Variants in MAMDC2 observed in about 807,000 individuals in gnomAD.
MAMDC2 encodes the protein MAM domain-containing protein 2.
Under a neutral mutation model 89.8 loss-of-function variants are expected in MAMDC2, and 57 were observed. That is an observed-to-expected ratio of 0.63 (90% confidence interval 0.51 to 0.79). The LOEUF is 0.79. MAMDC2 is among the 30% of genes least tolerant of loss of function. The pLI, the probability that MAMDC2 is intolerant of heterozygous loss-of-function variation, is 0.00. For synonymous variants in MAMDC2, 313 were observed against 293.4 expected, an observed-to-expected ratio of 1.07 and a Z score of -0.68; for missense variants, 800 against 820.6, an observed-to-expected ratio of 0.97 and a Z score of 0.31.
At chr9:70,053,299 T>A (rs1455039635) in intron 2 of MAMDC2, among the ~76,000 whole-genome samples, 1 of 152,228 alleles carries the variant, frequency 6.6e-6, no homozygotes, top group Non-Finnish European at 1.5e-5. Context: ...AAGAATAAGA[T>A]AATAAAACAA....
intron 2 of MAMDC2, among the ~76,000 whole-genome samples, chr9:70,078,362 G>A (rs1308081416): frequency 2.6e-5 from 4 of 152,162 alleles, no homozygotes; most frequent in African/African-American, 9.7e-5. Context: ...TCAACCTAAA[G>A]TGAAGAGGCT....
chr9:70,206,558 C>A (rs1227442808), intron 11 of MAMDC2, among the ~76,000 whole-genome samples: 2 of 152,168 alleles, frequency 1.3e-5, no homozygotes, highest in East Asian at 3.9e-4. Context: ...TTACTCCTCT[C>A]TTCCAAAAGC....
At chr9:70,051,731 G>T (rs1002357996) in intron 2 of MAMDC2, among the ~76,000 whole-genome samples, 1 of 152,028 alleles carries the variant, frequency 6.6e-6, no homozygotes, top group Non-Finnish European at 1.5e-5. Flanking sequence ...CCTGATTTTT[G>T]TGTCTAACAA....
At chr9:70,066,329 A>C (rs1019616460) in intron 2 of MAMDC2, among the ~76,000 whole-genome samples, 1 of 152,206 alleles carries the variant, frequency 6.6e-6, no homozygotes, top group African/African-American at 2.4e-5. Flanking sequence ...AACAGAGTGA[A>C]TAGGAGCAAG....
intron 9 of MAMDC2, among the ~76,000 whole-genome samples, chr9:70,154,658 G>C (rs750060106): frequency 6.6e-6 from 1 of 151,328 alleles, no homozygotes; most frequent in African/African-American, 2.4e-5. Context: ...CCAAGTAGCT[G>C]GGGTGCAGAG....
At chr9:70,064,502 C>A (rs1243895504) in intron 2 of MAMDC2, among the ~76,000 whole-genome samples, 1 of 152,200 alleles carries the variant, frequency 6.6e-6, no homozygotes, top group Admixed American at 6.5e-5. Flanking sequence ...CTGTAAGGAA[C>A]CACTACAACC....
At chr9:70,087,129 A>C (rs1827787254) in intron 2 of MAMDC2, 1 of 152,204 alleles carries the variant, frequency 6.6e-6, no homozygotes, top group Admixed American at 6.6e-5. Context: ...TCCTGTTCAC[A>C]ACCTCTGCCT....
intron 5 of MAMDC2, among the ~76,000 whole-genome samples, chr9:70,125,780 G>A (rs1196709096): frequency 6.6e-6 from 1 of 152,216 alleles, no homozygotes; most frequent in Non-Finnish European, 1.5e-5. Flanking sequence ...CTCAAATAAG[G>A]ATTGGGAGGG....
intron 11 of MAMDC2, among the ~76,000 whole-genome samples, chr9:70,199,296 C>A (rs970243748): frequency 7.3e-6 from 1 of 137,168 alleles, no homozygotes; most frequent in Non-Finnish European, 1.5e-5. Context: ...TGAGAATATG[C>A]GGTGTTTGGT....
At chr9:70,194,425 G>T (rs533414596) in intron 11 of MAMDC2, 6 of 152,190 alleles carry the variant, frequency 3.9e-5, no homozygotes, top group African/African-American at 1.2e-4. Flanking sequence ...GTTTCACGCA[G>T]CATTCGACTC....
intron 11 of MAMDC2, among the ~76,000 whole-genome samples, chr9:70,193,489 G>A (rs2032923949): frequency 6.6e-6 from 1 of 152,086 alleles, no homozygotes; most frequent in Non-Finnish European, 1.5e-5. Flanking sequence ...AAGCTTGCCT[G>A]TAATTAGATG....
intron 4 of MAMDC2, among the ~76,000 whole-genome samples, chr9:70,112,702 A>G (rs1471783103): frequency 1.3e-5 from 2 of 152,140 alleles, no homozygotes; most frequent in Non-Finnish European, 2.9e-5. Context: ...CATTGTCCCC[A>G]TTTCACATAT....
At chr9:70,087,724 C>T (rs983379925) in intron 2 of MAMDC2, 2 of 152,252 alleles carry the variant, frequency 1.3e-5, no homozygotes, top group African/African-American at 4.8e-5. Context: ...AACCAGGATA[C>T]TGTTAACCAG....
At chr9:70,223,113 T>A (rs1237578932) in intron 12 of MAMDC2, among the ~76,000 whole-genome samples, 2 of 136,616 alleles carry the variant, frequency 1.5e-5, no homozygotes, top group African/African-American at 2.9e-5. Flanking sequence ...CACTCCAGCT[T>A]GAGAGCAAGA....
At position 70,170,567 on chromosome 9, in the gene MAMDC2, CAGG is replaced by C; in HGVS notation, c.1594_1596del (p.Arg532del). The C allele has an allele frequency of 6.2e-7, 1 of 1,612,920 alleles. No individual in the cohort carries two copies. The stretch of plus-strand genomic sequence containing the variant: ...AGAAAAGAAACCGGAGCAGCTGGCA[CAGG>C]AGGAGGGGAGAAACTCCCACTTCCT... On this transcript the variant is annotated inframe_deletion, in exon 11 of 14. Transcript: ENST00000377182.
chr9:70,093,591 A>AT (rs1827957512), intron 2 of MAMDC2, among the ~76,000 whole-genome samples: 1 of 150,944 alleles, frequency 6.6e-6, no homozygotes, highest in Non-Finnish European at 1.5e-5. Flanking sequence ...ATGCCCGGCT[A>AT]ATTTTTTTTT....
chr9:70,221,483 G>A (rs1186098413), intron 12 of MAMDC2, among the ~76,000 whole-genome samples: 2 of 149,574 alleles, frequency 1.3e-5, no homozygotes, highest in East Asian at 3.9e-4. Flanking sequence ...ATGGTTACCA[G>A]AGGCTGGGGG....
At chr9:70,187,322 G>A (rs1468084907) in intron 11 of MAMDC2, among the ~76,000 whole-genome samples, 1 of 151,542 alleles carries the variant, frequency 6.6e-6, no homozygotes, top group Non-Finnish European at 1.5e-5. Context: ...TTTTCTCTTG[G>A]CCAATTAAAA....
chr9:70,055,101 A>G (rs145972379), intron 2 of MAMDC2, among the ~76,000 whole-genome samples: 1 of 152,140 alleles, frequency 6.6e-6, no homozygotes, highest in Non-Finnish European at 1.5e-5. Flanking sequence ...CTGCAGGAGA[A>G]TGTTTTAGGT....
Sources: gnomAD v4.1 joint callset for allele counts (sites outside exome capture counted in the v4.1 genomes callset) on GRCh38, gnomAD v4.1.1 for gene constraint, MANE v1.5 for transcripts, NCBI Gene and HGNC (gene_info 2026-07-23, HGNC 2026-07-21) for gene names.